RAD54B: variants seen among roughly 807,000 people sequenced by gnomAD.
RAD54B encodes RAD54 homolog B, also known as DNA repair and recombination protein RAD54B.
A neutral mutation model predicts 95.8 loss-of-function variants in RAD54B; 78 were observed. The observed-to-expected ratio is 0.81, with a 90% CI of 0.68 to 0.98. The LOEUF (loss-of-function observed/expected upper bound fraction) is 0.98, where lower values mean the gene tolerates loss of function less well. RAD54B is among the 50% of genes least tolerant of loss of function. The pLI, the probability that RAD54B is intolerant of heterozygous loss-of-function variation, is 0.00. For missense variants in RAD54B, 957 were observed against 1,056.6 expected, an observed-to-expected ratio of 0.91 and a Z score of 1.31; for synonymous variants, 328 against 354.9, an observed-to-expected ratio of 0.92 and a Z score of 0.85.
chr8:94,378,303 T>C lies in RAD54B; in HGVS notation c.2392A>G (p.Thr798Ala), dbSNP rs1810647965. ...ACTGAAAACTGAATATGTTCAGATG[T>C]CTTGGTGAGGTCGACAACTGCCCCA... ...LCGAVVDLTK[T>A]SEHIQFSVEE... The change falls in exon 14 of 15, where the codon ACA (threonine) becomes GCA (alanine). Residue 798 changes from threonine to alanine, a missense_variant. Thr to Ala is a moderately conservative substitution (Grantham distance 58). Transcript: ENST00000336148. 6.2e-7 allele frequency: 1 copy of C among 1,613,908 alleles called. No individual in the cohort carries two copies. Among genetic ancestry groups the C allele is most frequent in the Non-Finnish European group, 8.5e-7 (1 of 1,179,968 alleles).
At chr8:94,462,987 C>G (rs1003602196) in intron 2 of RAD54B, among the ~76,000 whole-genome samples, 1 of 151,826 alleles carries the variant, frequency 6.6e-6, no homozygotes, top group African/African-American at 2.4e-5. Flanking sequence ...ACCAGCCTGG[C>G]CAACATGGTA....
chr8:94,438,023 T>C (rs3136403), intron 3 of RAD54B, among the ~76,000 whole-genome samples: 15,719 of 152,184 alleles, frequency 0.1, 1,535 homozygotes, highest in African/African-American at 0.25. Context: ...ACTGTGATAG[T>C]TATTAAGAGG....
At chr8:94,377,459 C>A (rs1205753788) in intron 14 of RAD54B, among the ~76,000 whole-genome samples, 1 of 144,284 alleles carries the variant, frequency 6.9e-6, no homozygotes, top group Admixed American at 7.3e-5. Context: ...CTGCTTGAAC[C>A]CAGGAGGCGG....
At chr8:94,419,992 T>C (rs935646448) in intron 3 of RAD54B, among the ~76,000 whole-genome samples, 1 of 152,158 alleles carries the variant, frequency 6.6e-6, no homozygotes, top group Non-Finnish European at 1.5e-5. Context: ...AATACCACTG[T>C]GTTACAACTG....
intron 14 of RAD54B, among the ~76,000 whole-genome samples, chr8:94,377,812 T>C (rs572531807): frequency 1.2e-3 from 153 of 132,664 alleles, no homozygotes; most frequent in Admixed American, 2.3e-3. Context: ...CCGTCTCTAC[T>C]AAAAATACAA....
rs11281421 is a variant in RAD54B, at chr8:94,406,027, C to CACACACACACACAT, written c.781+1411_781+1412insATGTGTGTGTGTGT. 5.7e-3 allele frequency among the ~76,000 whole-genome samples: 863 copies of CACACACACACACAT among 150,508 alleles called. 2 individuals carry two copies. The highest frequency in any genetic ancestry group is 0.01 in the Middle Eastern group (3 of 292). ...TTACACACACACACACACACACACACATATATATAAAATTCACATGTACAC... is the reference window on the plus strand; with the variant it reads ...TTACACACACACACACACACACACACACACACACACACATATATATATAAAATTCACATGTACAC... On this transcript the variant is annotated intron_variant, in intron 5 of 14. Transcript: ENST00000336148.
At chr8:94,406,496 A>G (rs1450319523) in intron 5 of RAD54B, among the ~76,000 whole-genome samples, 6 of 152,190 alleles carry the variant, frequency 3.9e-5, no homozygotes, top group Non-Finnish European at 7.4e-5. Context: ...GGATAAGCTA[A>G]TATAGAACTC....
chr8:94,387,941 G>A (rs1192545362), intron 10 of RAD54B, among the ~76,000 whole-genome samples: 2 of 152,040 alleles, frequency 1.3e-5, no homozygotes, highest in East Asian at 3.8e-4. Flanking sequence ...TTGAAACTTT[G>A]TTCAACCTAA....
intron 9 of RAD54B, 193 bp downstream of exon 9, chr8:94,393,550 G>T: frequency 4.0e-6 from 2 of 498,862 alleles, no homozygotes; most frequent in African/African-American, 2.0e-5. Flanking sequence ...ATAATTCTTT[G>T]TGAAGTTCCT....
At position 94,378,358 on chromosome 8, in the gene RAD54B, A is replaced by G; in HGVS notation, c.2337T>C (p.Tyr779=). The G allele has an allele frequency of 1.2e-6, 2 of 1,613,536 alleles. No individual in the cohort carries two copies. Among genetic ancestry groups the G allele is most frequent in the Non-Finnish European group, 1.7e-6 (2 of 1,179,684 alleles). ...GACCTTGCTTACTGATCTGCCTTTGATAGATCTTTTCTTCTATTGTACCTA... is the reference window on the plus strand; with the variant it reads ...GACCTTGCTTACTGATCTGCCTTTGGTAGATCTTTTCTTCTATTGTACCTA... The part of the protein sequence containing the change: ...LTTGTIEEKI[Y]QRQISKQGLC... Residue 779 remains tyrosine, a synonymous_variant, in exon 14 of 15, where the codon TAT becomes TAC. Transcript: ENST00000336148.
intron 10 of RAD54B, 92 bp from the exon 11 acceptor site, chr8:94,387,251 G>T: frequency 9.7e-7 from 1 of 1,034,054 alleles, no homozygotes; most frequent in Non-Finnish European, 1.4e-6. Context: ...AAAAGGTGAA[G>T]ATTAACGGCT....
chr8:94,374,013 C>T (rs1396406458), intron 14 of RAD54B, among the ~76,000 whole-genome samples: 2 of 152,148 alleles, frequency 1.3e-5, no homozygotes, highest in South Asian at 2.1e-4. Flanking sequence ...GGCGCAGTGG[C>T]TCACGCCTGT....
At chr8:94,407,374 A>G in intron 5 of RAD54B, 65 bp downstream of exon 5, 1 of 1,470,510 alleles carries the variant, frequency 6.8e-7, no homozygotes, top group Non-Finnish European at 9.2e-7. Context: ...TTAAACTTCA[A>G]ATTCACACAC....
intron 3 of RAD54B, chr8:94,429,575 T>C: frequency 4.1e-6 from 4 of 983,088 alleles, no homozygotes; most frequent in Non-Finnish European, 4.8e-6. Context: ...CTTTCAATAA[T>C]TTCAAAAAAT....
At chr8:94,435,814 G>A (rs1195529887) in intron 3 of RAD54B, among the ~76,000 whole-genome samples, 1 of 152,028 alleles carries the variant, frequency 6.6e-6, no homozygotes, top group Non-Finnish European at 1.5e-5. Context: ...CAAGATCAAA[G>A]TGAAACTAGA....
chr8:94,436,209 T>G (rs1812255654), intron 3 of RAD54B, among the ~76,000 whole-genome samples: 1 of 152,154 alleles, frequency 6.6e-6, no homozygotes, highest in African/African-American at 2.4e-5. Flanking sequence ...CTTAAGAAGT[T>G]TATGAAGTGA....
chr8:94,409,642 A>G (rs1811480510), intron 4 of RAD54B, among the ~76,000 whole-genome samples: 1 of 152,124 alleles, frequency 6.6e-6, no homozygotes, highest in African/African-American at 2.4e-5. Context: ...CTGAGATTAC[A>G]GGCGTGAGCC....
intron 12 of RAD54B, among the ~76,000 whole-genome samples, chr8:94,379,745 C>T (rs753684856): frequency 6.6e-6 from 1 of 152,190 alleles, no homozygotes; most frequent in Admixed American, 6.5e-5. Context: ...AAATATGTTA[C>T]TTTTATACCC....
At chr8:94,472,574 T>C (rs1813197495) in intron 1 of RAD54B, among the ~76,000 whole-genome samples, 1 of 152,230 alleles carries the variant, frequency 6.6e-6, no homozygotes, top group Admixed American at 6.5e-5. Context: ...AGTTCTGTTC[T>C]CTACATTAGT....
Sources: gnomAD v4.1 joint callset for allele counts (sites outside exome capture counted in the v4.1 genomes callset) on GRCh38, gnomAD v4.1.1 for gene constraint, MANE v1.5 for transcripts, NCBI Gene and HGNC (gene_info 2026-07-23, HGNC 2026-07-21) for gene names.